Variants in NIPSNAP1 observed in about 807,000 individuals in gnomAD.
NIPSNAP1 encodes protein NipSnap homolog 1.
A neutral mutation model predicts 49.2 loss-of-function variants in NIPSNAP1; 25 were observed. The observed-to-expected ratio is 0.51, with a 90% CI of 0.37 to 0.71. The LOEUF (loss-of-function observed/expected upper bound fraction) is 0.71, where lower values mean the gene tolerates loss of function less well. Ranked by LOEUF, NIPSNAP1 falls within the 30% of genes least tolerant of loss-of-function variation. NIPSNAP1 has a pLI of 0.00. For synonymous variants in NIPSNAP1, 143 were observed against 140.7 expected (o/e 1.02, Z -0.12); for missense variants, 294 against 361.0 (o/e 0.81, Z 1.50).
chr22:29,561,571 A>G lies in NIPSNAP1; in HGVS notation c.514T>C (p.Phe172Leu). The G allele has an allele frequency of 6.2e-7, 1 of 1,614,112 alleles. No individual in the cohort carries two copies. Among genetic ancestry groups the G allele is most frequent in the South Asian group, 1.1e-5 (1 of 91,088 alleles). Residue 172 changes from phenylalanine (F) to leucine (L), a missense_variant, in exon 6 of 10, where the codon TTC (phenylalanine) becomes CTC (leucine). Coordinates refer to ENST00000216121, the MANE Select transcript of NIPSNAP1 (RefSeq NM_003634.4). ...ATTCTGGGCTGTGGCTCATTCCAGAAGCTGAACTCGAGGAGCAGCTGGTTT... is the reference window on the plus strand; with the variant it reads ...ATTCTGGGCTGTGGCTCATTCCAGAGGCTGAACTCGAGGAGCAGCTGGTTT... ...RRNQLLLEFSFWNEPQPRMGP... is the reference protein window; with the variant it reads ...RRNQLLLEFSLWNEPQPRMGP...
intron 4 of NIPSNAP1, among the ~76,000 whole-genome samples, chr22:29,562,423 T>C (rs1395926458): frequency 1.3e-5 from 2 of 152,152 alleles, no homozygotes; most frequent in Non-Finnish European, 2.9e-5. Flanking sequence ...ACTTAAGAGA[T>C]TGACAGTAGA....
At position 29,571,036 on chromosome 22, in the gene NIPSNAP1, T is replaced by C. The variant is rs113886393; in HGVS notation, c.99-504A>G. Among the ~76,000 whole-genome samples, 889 of 152,254 alleles carry C rather than the reference T, an allele frequency of 5.8e-3. 10 individuals carry two copies. The highest frequency in any genetic ancestry group is 0.02 in the African/African-American group (840 of 41,538). On this transcript the variant is annotated intron_variant, in intron 1 of 9. Coordinates refer to ENST00000216121, the MANE Select transcript of NIPSNAP1 (RefSeq NM_003634.4). ...TACTCTGTGCTTTCTGTACAAGTTC[T>C]GTCCCCTCTAACGAGAAGACTGCTC... is the stretch of plus-strand genomic sequence containing the variant.
intron 1 of NIPSNAP1, chr22:29,580,368 G>A: frequency 2.8e-6 from 2 of 710,540 alleles, no homozygotes; most frequent in Non-Finnish European, 3.5e-6. Context: ...AGAGCACATG[G>A]CCCAGCCAGA....
intron 1 of NIPSNAP1, among the ~76,000 whole-genome samples, chr22:29,572,408 G>A (rs545343488): frequency 5.6e-4 from 85 of 151,666 alleles, no homozygotes; most frequent in Non-Finnish European, 8.4e-4. Flanking sequence ...AGCTGGGCAC[G>A]ATGGCTAAAT....
chr22:29,565,310 G>C (rs1006616075), intron 4 of NIPSNAP1, among the ~76,000 whole-genome samples: 1 of 151,722 alleles, frequency 6.6e-6, no homozygotes, highest in Non-Finnish European at 1.5e-5. Flanking sequence ...TCAGGAGTTC[G>C]AGACCAGCCT....
intron 1 of NIPSNAP1, among the ~76,000 whole-genome samples, chr22:29,571,377 C>T (rs1321172600): frequency 6.6e-6 from 1 of 152,190 alleles, no homozygotes; most frequent in Non-Finnish European, 1.5e-5. Flanking sequence ...CCAGCCAACA[C>T]CTGCTCTGCC....
chr22:29,562,716 T>C lies in NIPSNAP1; in HGVS notation c.368-854A>G, dbSNP rs548162800. Among the ~76,000 whole-genome samples the C allele has an allele frequency of 3.0e-3, 461 of 151,980 alleles. 2 individuals are homozygous for C. The highest frequency in any genetic ancestry group is 4.2e-3 in the Non-Finnish European group (287 of 67,966). On this transcript the variant is annotated intron_variant, in intron 4 of 9. Transcript: ENST00000216121. ...CAAAAAAAAAGAGATTGACAGTAGA[T>C]GCCCCTGGGACACAGAATGGAGGCC...
chr22:29,561,106 G>A, intron 7 of NIPSNAP1, 65 bp downstream of exon 7: 11 of 1,491,828 alleles, frequency 7.4e-6, no homozygotes, highest in South Asian at 1.1e-5. Flanking sequence ...GCCCACCAGG[G>A]GCCTTGGTGG....
At chr22:29,566,741 C>G (rs920080535) in intron 4 of NIPSNAP1, among the ~76,000 whole-genome samples, 2 of 152,016 alleles carry the variant, frequency 1.3e-5, no homozygotes, top group African/African-American at 4.8e-5. Flanking sequence ...AGAGAATCAT[C>G]TGAGCCCGGG....
intron 1 of NIPSNAP1, among the ~76,000 whole-genome samples, chr22:29,579,441 C>T (rs964792570): frequency 1.3e-5 from 2 of 151,822 alleles, no homozygotes; most frequent in South Asian, 2.1e-4. Flanking sequence ...GGACTACAGG[C>T]GCCTGCCACC....
chr22:29,579,892 T>C (rs2146621468), intron 1 of NIPSNAP1: 1 of 363,308 alleles, frequency 2.8e-6, no homozygotes, highest in East Asian at 7.4e-5. Flanking sequence ...TCCCACGGTG[T>C]CAGCTTTATC....
chr22:29,573,424 G>A (rs894373029), intron 1 of NIPSNAP1, among the ~76,000 whole-genome samples: 3 of 152,040 alleles, frequency 2.0e-5, no homozygotes, highest in Admixed American at 1.3e-4. Context: ...CTGGGAGGCC[G>A]AGGCAGGCGG....
intron 2 of NIPSNAP1, 87 bp downstream of exon 2, chr22:29,570,318 C>G: frequency 6.2e-7 from 1 of 1,609,226 alleles, no homozygotes; most frequent in Non-Finnish European, 8.5e-7. Context: ...TGAGGACATT[C>G]CAGACCCTCC....
chr22:29,570,094 C>T (rs456285), intron 3 of NIPSNAP1, 68 bp downstream of exon 3: 1,020,558 of 1,337,058 alleles, frequency 0.76, 393,331 homozygotes, highest in African/African-American at 0.88. Context: ...GAGGATGTTC[C>T]GCAAATTTGC....
chr22:29,575,263 GC>G (rs2064442841), intron 1 of NIPSNAP1, among the ~76,000 whole-genome samples: 1 of 152,176 alleles, frequency 6.6e-6, no homozygotes, highest in Non-Finnish European at 1.5e-5. Flanking sequence ...CAAATAGCCA[GC>G]CCTGAAGAAA....
chr22:29,564,351 TC>T, intron 4 of NIPSNAP1: 1 of 470,996 alleles, frequency 2.1e-6, no homozygotes, highest in Non-Finnish European at 4.4e-6. Context: ...TGGATAGAAA[TC>T]TACCAAAACC....
At chr22:29,567,210 G>A (rs768864653) in intron 4 of NIPSNAP1, among the ~76,000 whole-genome samples, 2 of 152,184 alleles carry the variant, frequency 1.3e-5, no homozygotes, top group Non-Finnish European at 2.9e-5. Flanking sequence ...GTCCCTTTGA[G>A]TGGCTGAGAT....
chr22:29,577,440 A>G (rs2064461486), intron 1 of NIPSNAP1, among the ~76,000 whole-genome samples: 1 of 144,788 alleles, frequency 6.9e-6, no homozygotes. Context: ...TTTTCTTGAG[A>G]CGAAGTCTCG....
chr22:29,580,060 C>G (rs1249059382), intron 1 of NIPSNAP1: 2 of 1,301,702 alleles, frequency 1.5e-6, no homozygotes, highest in Admixed American at 2.3e-5. Flanking sequence ...TGGTTGCTTC[C>G]TTTTCACAGG....
Sources: gnomAD v4.1 joint callset for allele counts (sites outside exome capture counted in the v4.1 genomes callset) on GRCh38, gnomAD v4.1.1 for gene constraint, MANE v1.5 for transcripts, NCBI Gene and HGNC (gene_info 2026-07-23, HGNC 2026-07-21) for gene names.